Variants in SETBP1 observed in about 807,000 individuals in gnomAD.
SETBP1 encodes the protein SET binding protein 1.
A neutral mutation model predicts 101.0 loss-of-function variants in SETBP1; 9 were observed. The observed-to-expected ratio is 0.09, with a 90% CI of 0.05 to 0.16. The LOEUF (loss-of-function observed/expected upper bound fraction) is 0.16, where lower values mean the gene tolerates loss of function less well. Among genes scored for constraint, SETBP1 ranks in the 10% least tolerant of loss-of-function variants. SETBP1 has a pLI of 1.00. For missense variants in SETBP1, 1,858 were observed against 2,033.8 expected, an observed-to-expected ratio of 0.91 and a Z score of 1.66; for synonymous variants, 818 against 788.5, an observed-to-expected ratio of 1.04 and a Z score of -0.63.
chr18:45,031,185 T>C (rs897435647), intron 4 of SETBP1, among the ~76,000 whole-genome samples: 1 of 152,210 alleles, frequency 6.6e-6, no homozygotes, highest in African/African-American at 2.4e-5. Flanking sequence ...TCTTCTCTTC[T>C]GCGTTCTTTC....
rs776823732 is a variant in SETBP1 at position 44,869,214 on chromosome 18, CT to C, written c.487-13del. On this transcript the variant is annotated splice_polypyrimidine_tract_variant and intron_variant, in intron 2 of 5. Transcript: ENST00000649279. Reference sequence around the variant, plus strand: ...CTGAAAAGTGTCACTGAGAAAATTTCTTTATTCTTTTGCAGCTCCTCACAGC... The same window carrying C: ...CTGAAAAGTGTCACTGAGAAAATTTCTTATTCTTTTGCAGCTCCTCACAGC... The C allele has an allele frequency of 2.1e-5, 34 of 1,613,664 alleles. No homozygotes were observed. The African/African-American group carries it at 4.1e-4, about 20-fold the overall frequency.
intron 3 of SETBP1, among the ~76,000 whole-genome samples, chr18:44,874,297 T>C (rs2069346520): frequency 6.6e-6 from 1 of 152,236 alleles, no homozygotes; most frequent in Non-Finnish European, 1.5e-5. Context: ...ATTTTTAATA[T>C]GTCATGTTTT....
intron 2 of SETBP1, among the ~76,000 whole-genome samples, chr18:44,750,385 T>C (rs963423335): frequency 6.6e-6 from 1 of 152,110 alleles, no homozygotes; most frequent in African/African-American, 2.4e-5. Context: ...ACACTAACTC[T>C]ATTATGAGGG....
At chr18:44,710,496 G>A (rs1026722872) in intron 2 of SETBP1, among the ~76,000 whole-genome samples, 1 of 130,076 alleles carries the variant, frequency 7.7e-6, no homozygotes, top group African/African-American at 3.0e-5. Context: ...CTGTCACCCA[G>A]GCTGGAGTTC....
intron 1 of SETBP1, 67 bp downstream of exon 1, chr18:44,681,088 G>A (rs2068752829): frequency 6.6e-6 from 1 of 152,184 alleles, no homozygotes; most frequent in African/African-American, 2.4e-5. Flanking sequence ...CAATGGATTT[G>A]AGTCTCTTTC....
At chr18:45,034,606 G>C (rs192344153) in intron 4 of SETBP1, among the ~76,000 whole-genome samples, 1 of 152,072 alleles carries the variant, frequency 6.6e-6, no homozygotes, top group Non-Finnish European at 1.5e-5. Flanking sequence ...TAAGTTTTCT[G>C]TATTTCCTTC....
At chr18:44,809,480 T>C (rs2071814048) in intron 2 of SETBP1, among the ~76,000 whole-genome samples, 2 of 152,150 alleles carry the variant, frequency 1.3e-5, no homozygotes. Context: ...TCATCTGAAA[T>C]CCTGAAATAA....
chr18:44,911,934 C>A (rs977992440), intron 3 of SETBP1, among the ~76,000 whole-genome samples: 4 of 126,214 alleles, frequency 3.2e-5, no homozygotes, highest in African/African-American at 1.2e-4. Context: ...CTCCTGCATA[C>A]ACACACCCAC....
intron 5 of SETBP1, among the ~76,000 whole-genome samples, chr18:45,056,668 G>A (rs2073813762): frequency 6.6e-6 from 1 of 152,188 alleles, no homozygotes; most frequent in Non-Finnish European, 1.5e-5. Flanking sequence ...GAGAGCACTA[G>A]GCCGATTTCT....
rs991672992 is a variant in SETBP1 at position 44,982,307 on chromosome 18, C to T, written c.4000+28967C>T. On this transcript the variant is annotated intron_variant, in intron 4 of 5. Coordinates refer to ENST00000649279, the MANE Select transcript of SETBP1 (RefSeq NM_015559.3). Reference sequence around the variant, plus strand: ...AGTGCCGGGCTGGGGAGGCAGGGGCCGCCGGCTGGAAGATCCACACACCTT... The same window carrying T: ...AGTGCCGGGCTGGGGAGGCAGGGGCTGCCGGCTGGAAGATCCACACACCTT... Among the ~76,000 whole-genome samples, 8 of 151,934 alleles carry T rather than the reference C, an allele frequency of 5.3e-5. No individual in the cohort carries two copies. In the East Asian group the frequency reaches 5.8e-4, roughly 11 times the overall value.
intron 3 of SETBP1, among the ~76,000 whole-genome samples, chr18:44,939,245 G>A (rs2071032414): frequency 6.6e-6 from 1 of 151,690 alleles, no homozygotes; most frequent in Admixed American, 6.6e-5. Context: ...CCCAGCCCCG[G>A]TCCCCACCAC....
At chr18:44,869,377 CG>C in intron 3 of SETBP1, 94 bp downstream of exon 3, 1 of 1,162,998 alleles carries the variant, frequency 8.6e-7, no homozygotes, top group Non-Finnish European at 1.3e-6. Flanking sequence ...GACAGAAACC[CG>C]AACCTTGGAT....
intron 4 of SETBP1, among the ~76,000 whole-genome samples, chr18:44,971,311 T>C (rs1365302604): frequency 1.3e-5 from 2 of 152,252 alleles, no homozygotes; most frequent in African/African-American, 4.8e-5. Context: ...GTCTTTGCTA[T>C]TGTGACTAGT....
intron 2 of SETBP1, among the ~76,000 whole-genome samples, chr18:44,820,060 T>C (rs2072077146): frequency 6.6e-6 from 1 of 152,218 alleles, no homozygotes; most frequent in Admixed American, 6.5e-5. Context: ...TTTGGGAGAC[T>C]GGCTGGTTAT....
chr18:45,026,457 G>A (rs151029030), intron 4 of SETBP1, among the ~76,000 whole-genome samples: 78 of 152,268 alleles, frequency 5.1e-4, no homozygotes, highest in Middle Eastern at 3.4e-3. Context: ...GACTGGACTA[G>A]CTTTCTTCCA....
At chr18:45,043,358 C>CTG (rs1374462108) in intron 5 of SETBP1, among the ~76,000 whole-genome samples, 2 of 85,662 alleles carry the variant, frequency 2.3e-5, no homozygotes, top group Non-Finnish European at 5.6e-5. Context: ...TTCTCTCTCT[C>CTG]TCTCTCTCAC....
At chr18:44,764,184 T>C (rs1029886536) in intron 2 of SETBP1, among the ~76,000 whole-genome samples, 4 of 152,244 alleles carry the variant, frequency 2.6e-5, no homozygotes, top group African/African-American at 9.6e-5. Flanking sequence ...CCGTTAGCTG[T>C]TGGCCTTGTT....
chr18:44,758,412 T>C (rs910700383), intron 2 of SETBP1, among the ~76,000 whole-genome samples: 1 of 151,346 alleles, frequency 6.6e-6, no homozygotes, highest in South Asian at 2.1e-4. Context: ...AGACGGAGTC[T>C]CGCTCTGTTG....
intron 2 of SETBP1, among the ~76,000 whole-genome samples, chr18:44,709,637 G>A (rs2069296884): frequency 6.6e-6 from 1 of 152,044 alleles, no homozygotes; most frequent in Non-Finnish European, 1.5e-5. Context: ...TCTCCCTGCG[G>A]ACCATCCATA....
Sources: gnomAD v4.1 joint callset for allele counts (sites outside exome capture counted in the v4.1 genomes callset) on GRCh38, gnomAD v4.1.1 for gene constraint, MANE v1.5 for transcripts, NCBI Gene and HGNC (gene_info 2026-07-23, HGNC 2026-07-21) for gene names.